SYNPR: variants seen among roughly 807,000 people sequenced by gnomAD.
SYNPR encodes synaptoporin.
A neutral mutation model predicts 32.9 loss-of-function variants in SYNPR; 23 were observed. The observed-to-expected ratio is 0.70, with a 90% CI of 0.50 to 0.99. SYNPR has a LOEUF of 0.99. Among genes scored for constraint, SYNPR ranks in the 50% least tolerant of loss-of-function variants. The pLI is 0.00. For missense variants in SYNPR, 318 were observed against 349.3 expected, an observed-to-expected ratio of 0.91 and a Z score of 0.71; for synonymous variants, 146 against 135.9, an observed-to-expected ratio of 1.07 and a Z score of -0.52.
chr3:63,406,961 T>C (rs2088368639), intron 2 of SYNPR, among the ~76,000 whole-genome samples: 1 of 152,172 alleles, frequency 6.6e-6, no homozygotes, highest in Admixed American at 6.6e-5. Context: ...TAAGGAATAT[T>C]AGCTCGCCTG....
intron 2 of SYNPR, among the ~76,000 whole-genome samples, chr3:63,424,427 A>G (rs1475355881): frequency 1.3e-5 from 2 of 152,290 alleles, no homozygotes; most frequent in Non-Finnish European, 2.9e-5. Flanking sequence ...TTCAGCTTCC[A>G]TTTCCTCTTT....
chr3:63,242,665 C>T (rs946199964), intron 1 of SYNPR, among the ~76,000 whole-genome samples: 8 of 152,046 alleles, frequency 5.3e-5, no homozygotes, highest in African/African-American at 1.9e-4. Flanking sequence ...AAATCAGTCT[C>T]AGCTAAAGAT....
intron 4 of SYNPR, among the ~76,000 whole-genome samples, chr3:63,576,618 C>T (rs1363546223): frequency 1.3e-5 from 2 of 151,636 alleles, no homozygotes; most frequent in South Asian, 2.1e-4. Flanking sequence ...GGTGAAACCC[C>T]GTCTCTACTA....
At chr3:63,551,869 CTATTTATTTATTTATT>C (rs10527039) in intron 3 of SYNPR, among the ~76,000 whole-genome samples, 48 of 144,848 alleles carry the variant, frequency 3.3e-4, no homozygotes, top group East Asian at 8.2e-4. Flanking sequence ...CAGCATCTAG[CTATTTATTTATTTATT>C]TATTTATTTA....
chr3:63,474,994 A>T (rs1164951954), intron 2 of SYNPR, among the ~76,000 whole-genome samples: 2 of 152,194 alleles, frequency 1.3e-5, no homozygotes, highest in East Asian at 3.9e-4. Context: ...TTTCATTGAT[A>T]TTCCGTGTGT....
chr3:63,494,402 T>TATATATATATACAC (rs1226883700), intron 3 of SYNPR, among the ~76,000 whole-genome samples: 5 of 65,742 alleles, frequency 7.6e-5, no homozygotes, highest in East Asian at 7.8e-4. Context: ...CTTATATATA[T>TATATATATATACAC]ATATATATAT....
intron 3 of SYNPR, among the ~76,000 whole-genome samples, chr3:63,541,990 C>T (rs1467590210): frequency 6.6e-6 from 1 of 152,028 alleles, no homozygotes; most frequent in African/African-American, 2.4e-5. Context: ...ATTTCCACAG[C>T]TGATGCTTAT....
intron 2 of SYNPR, among the ~76,000 whole-genome samples, chr3:63,428,443 G>A (rs1403479806): frequency 6.6e-6 from 1 of 152,184 alleles, no homozygotes; most frequent in Non-Finnish European, 1.5e-5. Context: ...ATAGCTATTA[G>A]AAGCATGATT....
At chr3:63,389,048 G>A (rs1223866190) in intron 2 of SYNPR, among the ~76,000 whole-genome samples, 1 of 152,108 alleles carries the variant, frequency 6.6e-6, no homozygotes, top group East Asian at 1.9e-4. Flanking sequence ...ATTTTGATCA[G>A]CAAGAGTAAA....
intron 2 of SYNPR, among the ~76,000 whole-genome samples, chr3:63,361,929 G>A (rs9784367): frequency 0.025 from 3,768 of 152,220 alleles, 138 homozygotes; most frequent in African/African-American, 0.085. Flanking sequence ...GAATATTTTT[G>A]AGGATAGATT....
chr3:63,200,676 T>C, the SYNPR span, among the ~76,000 whole-genome samples: 2 of 152,136 alleles, frequency 1.3e-5, no homozygotes, highest in South Asian at 2.1e-4. Flanking sequence ...GATCATGATA[T>C]AGACTGGTGT....
intron 2 of SYNPR, among the ~76,000 whole-genome samples, chr3:63,298,210 G>T (rs577579522): frequency 6.6e-6 from 1 of 152,270 alleles, no homozygotes; most frequent in Non-Finnish European, 1.5e-5. Context: ...TCAGGAATGA[G>T]CAAGGGCAAC....
rs538019136 is a variant in SYNPR, at chr3:63,537,649, C to T, written c.210-18894C>T. 4.6e-5 allele frequency among the ~76,000 whole-genome samples: 7 copies of T among 152,206 alleles called. No individual in the cohort carries two copies. The East Asian group carries it at 7.7e-4, about 17-fold the overall frequency. ...AGAAAAATGAACAAAATAATATCTT[C>T]TGGTGGAAAGATTCTACGATGTCAG... On this transcript the variant is annotated intron_variant, in intron 3 of 5. Transcript: ENST00000478300.
intron 3 of SYNPR, among the ~76,000 whole-genome samples, chr3:63,485,140 T>C (rs1456979911): frequency 6.6e-6 from 1 of 152,030 alleles, no homozygotes; most frequent in Non-Finnish European, 1.5e-5. Context: ...AGAGTCATCA[T>C]CATGAAGTCA....
chr3:63,547,586 G>A (rs976639912), intron 3 of SYNPR, among the ~76,000 whole-genome samples: 11 of 152,064 alleles, frequency 7.2e-5, no homozygotes, highest in Non-Finnish European at 1.5e-4. Flanking sequence ...AACAATGGCC[G>A]CAGTTCCCAT....
At chr3:63,400,078 C>G (rs1341133486) in intron 2 of SYNPR, among the ~76,000 whole-genome samples, 1 of 152,160 alleles carries the variant, frequency 6.6e-6, no homozygotes, top group African/African-American at 2.4e-5. Flanking sequence ...GTTAACAGAG[C>G]CATCCTCATG....
chr3:63,304,354 T>TTGTGTTTG (rs2086887125), intron 2 of SYNPR, among the ~76,000 whole-genome samples: 1 of 146,622 alleles, frequency 6.8e-6, no homozygotes, highest in African/African-American at 2.5e-5. Flanking sequence ...GTGTGTGTGT[T>TTGTGTTTG]TGTGTGTGTG....
At chr3:63,305,044 A>T (rs2106945850) in intron 2 of SYNPR, among the ~76,000 whole-genome samples, 1 of 152,092 alleles carries the variant, frequency 6.6e-6, no homozygotes, top group African/African-American at 2.4e-5. Context: ...CTCCAAGATG[A>T]TCCCAGTGAC....
intron 2 of SYNPR, among the ~76,000 whole-genome samples, chr3:63,457,774 A>G (rs1216694450): frequency 1.3e-5 from 2 of 152,162 alleles, no homozygotes; most frequent in African/African-American, 4.8e-5. Context: ...TTGAATATTT[A>G]GCGAACTTTG....
Sources: allele counts gnomAD v4.1 joint callset (sites outside exome capture counted in the v4.1 genomes callset), GRCh38; gene constraint gnomAD v4.1.1; transcripts MANE v1.5; gene names NCBI Gene and HGNC (gene_info 2026-07-23, HGNC 2026-07-21).